UTS2B: variants seen among roughly 807,000 people sequenced by gnomAD.
UTS2B encodes urotensin-2B.
UTS2B carries 21 observed loss-of-function variants against 19.2 expected under a neutral mutation model. The ratio of observed to expected loss-of-function variants is 1.09; its 90% CI spans 0.78 to 1.58. The LOEUF is 1.58. Among genes scored for constraint, UTS2B ranks in the 40% most tolerant of loss-of-function variants. The probability of loss-of-function intolerance (pLI) is 0.00; values close to 1 mark genes in which losing one functional copy is unlikely to be tolerated. For missense variants in UTS2B, 138 were observed against 130.3 expected (o/e 1.06, Z -0.29); for synonymous variants, 57 against 50.2 (o/e 1.14, Z -0.58).
intron 4 of UTS2B, among the ~76,000 whole-genome samples, chr3:191,289,725 G>A (rs1366388580): frequency 6.6e-6 from 1 of 152,080 alleles, no homozygotes; most frequent in Admixed American, 6.5e-5. Context: ...ACTTTTATGT[G>A]GAATCTAAGA....
At chr3:191,300,941 C>T (rs1716983197) in intron 4 of UTS2B, among the ~76,000 whole-genome samples, 1 of 152,200 alleles carries the variant, frequency 6.6e-6, no homozygotes, top group South Asian at 2.1e-4. Context: ...AAACAAATTA[C>T]TCATTCTCAG....
At chr3:191,300,526 A>G (rs769514751) in intron 4 of UTS2B, among the ~76,000 whole-genome samples, 1 of 152,190 alleles carries the variant, frequency 6.6e-6, no homozygotes, top group Non-Finnish European at 1.5e-5. Flanking sequence ...TGAATCCTGG[A>G]ATGAGTTAAG....
intron 5 of UTS2B, among the ~76,000 whole-genome samples, chr3:191,279,921 CAT>C (rs1716338445): frequency 6.6e-6 from 1 of 151,758 alleles, no homozygotes; most frequent in Non-Finnish European, 1.5e-5. Context: ...AAAGAAAACA[CAT>C]ATATTTTTAA....
chr3:191,304,237 C>T (rs964604100), intron 4 of UTS2B, among the ~76,000 whole-genome samples: 18 of 152,128 alleles, frequency 1.2e-4, no homozygotes, highest in African/African-American at 3.9e-4. Flanking sequence ...GGATTACAGG[C>T]GTGAGGCACT....
chr3:191,341,732 T>A, the UTS2B span, among the ~76,000 whole-genome samples: 43 of 152,168 alleles, frequency 2.8e-4, no homozygotes, highest in Non-Finnish European at 5.7e-4. Context: ...GAAAAAAAAA[T>A]TACCCCACTC....
At chr3:191,324,081 G>T (rs111586703) in intron 2 of UTS2B, among the ~76,000 whole-genome samples, 4 of 152,154 alleles carry the variant, frequency 2.6e-5, no homozygotes, top group African/African-American at 9.7e-5. Flanking sequence ...CCTTATGAAT[G>T]CATTAATCCA....
rs560542836 is a variant in UTS2B, at chr3:191,294,945, C to T, written c.-125+9547G>A. Among the ~76,000 whole-genome samples the T allele has an allele frequency of 3.7e-4, 56 of 151,910 alleles. 4 individuals are homozygous for T. The highest frequency in any genetic ancestry group is 1.1e-3 in the African/African-American group (46 of 41,240). ...ACTCAGGAGGCTTAGTTATAAGAAT[C>T]GCTTGATCCTGGGAGATTGAGCTTC... On this transcript the variant is annotated intron_variant, in intron 4 of 8. Transcript: ENST00000340524.
intron 6 of UTS2B, chr3:191,277,513 A>C (rs1215516955): frequency 6.6e-6 from 1 of 152,114 alleles, no homozygotes; most frequent in East Asian, 1.9e-4. Flanking sequence ...ACAAAATCTC[A>C]GTCATTTCTT....
Position 191,291,887 on chromosome 3 carries a change from T to C in UTS2B, c.-124-9574A>G, listed in dbSNP as rs570895318. Among the ~76,000 whole-genome samples the C allele has an allele frequency of 2.8e-4, 42 of 152,336 alleles. 1 individual carries two copies. In the South Asian group the frequency reaches 7.2e-3, roughly 26 times the overall value. ...AGATAATTCTTTCCCCCATGAATGG[T>C]CTTGGTAGCTTGTCATAGATGTATG... On this transcript the variant is annotated intron_variant, in intron 4 of 8. Transcript: ENST00000340524.
intron 3 of UTS2B, among the ~76,000 whole-genome samples, chr3:191,307,929 G>A (rs889476276): frequency 6.7e-6 from 1 of 149,512 alleles, no homozygotes; most frequent in Non-Finnish European, 1.5e-5. Flanking sequence ...TCTGCCTCCC[G>A]GGTTAAAGCA....
chr3:191,333,854 TA>T (rs1718062599), upstream of UTS2B, among the ~76,000 whole-genome samples: 1 of 152,178 alleles, frequency 6.6e-6, no homozygotes, highest in Non-Finnish European at 1.5e-5. Context: ...ATTAAATTTA[TA>T]AAAACTTCGA....
chr3:191,314,715 T>C (rs1717400073), intron 3 of UTS2B, among the ~76,000 whole-genome samples: 1 of 152,100 alleles, frequency 6.6e-6, no homozygotes, highest in South Asian at 2.1e-4. Context: ...CCTCCAGAGA[T>C]GGGGAAGGGA....
At chr3:191,287,193 A>AT (rs1286660768) in intron 4 of UTS2B, among the ~76,000 whole-genome samples, 1 of 152,138 alleles carries the variant, frequency 6.6e-6, no homozygotes, top group African/African-American at 2.4e-5. Flanking sequence ...TAAATAACTA[A>AT]TACAAATCAT....
chr3:191,282,244 A>G lies in UTS2B; in HGVS notation c.-55T>C. The G allele has an allele frequency of 1.8e-5, 24 of 1,343,910 alleles. No homozygotes were observed. The highest frequency in any genetic ancestry group is 4.1e-5 in the Admixed American group (2 of 48,350). 83.2% of individuals were successfully genotyped at this position (1,343,910 alleles called of 1,614,324 possible). On this transcript the variant is annotated 5_prime_UTR_variant, in exon 5 of 9. Transcript: ENST00000340524. ...AAACAGACTTTCCAGGTCAAGATGG[A>G]TATTTCTATAGCTTTGGAATTCAGT...
At chr3:191,281,504 G>A (rs1488574050) in intron 5 of UTS2B, among the ~76,000 whole-genome samples, 1 of 151,196 alleles carries the variant, frequency 6.6e-6, no homozygotes, top group African/African-American at 2.4e-5. Flanking sequence ...TTTTATCATG[G>A]TGTATATTTT....
At chr3:191,276,713 G>A in intron 7 of UTS2B, 94 bp downstream of exon 7, 4 of 1,050,708 alleles carry the variant, frequency 3.8e-6, no homozygotes, top group Non-Finnish European at 5.6e-6. Context: ...TTACATTGTA[G>A]TATTAATAAT....
At chr3:191,289,520 A>G (rs539131244) in intron 4 of UTS2B, among the ~76,000 whole-genome samples, 1 of 152,208 alleles carries the variant, frequency 6.6e-6, no homozygotes, top group Admixed American at 6.5e-5. Context: ...TGGCCGTGAT[A>G]TTGAATCAAG....
intron 4 of UTS2B, among the ~76,000 whole-genome samples, chr3:191,302,098 T>C (rs183658150): frequency 1.6e-4 from 25 of 152,190 alleles, no homozygotes; most frequent in African/African-American, 5.5e-4. Flanking sequence ...CCTGATAAAA[T>C]AGGATGCAAT....
chr3:191,337,221 CT>C, the UTS2B span, among the ~76,000 whole-genome samples: 1 of 151,286 alleles, frequency 6.6e-6, no homozygotes, highest in Non-Finnish European at 1.5e-5. Context: ...TTTTAAAAAA[CT>C]TTGTTATTTA....
Sources: allele counts gnomAD v4.1 joint callset (sites outside exome capture counted in the v4.1 genomes callset), GRCh38; gene constraint gnomAD v4.1.1; transcripts MANE v1.5; gene names NCBI Gene and HGNC (gene_info 2026-07-23, HGNC 2026-07-21).